The following COL6A6 variants were observed in gnomAD, a reference collection of about 807,000 sequenced individuals.
COL6A6 encodes collagen alpha-6(VI) chain.
A neutral mutation model predicts 208.6 loss-of-function variants in COL6A6; 183 were observed. The ratio of observed to expected loss-of-function variants is 0.88; its 90% CI spans 0.78 to 0.99. The LOEUF is 0.99. Among genes scored for constraint, COL6A6 ranks in the 50% least tolerant of loss-of-function variants. COL6A6 has a pLI of 0.00. For missense variants in COL6A6, 2,816 were observed against 2,815.2 expected, an observed-to-expected ratio of 1.00 and a Z score of -0.01; for synonymous variants, 973 against 1,011.8, an observed-to-expected ratio of 0.96 and a Z score of 0.73.
intron 23 of COL6A6, among the ~76,000 whole-genome samples, chr3:130,611,290 C>T (rs1182133951): frequency 6.6e-6 from 1 of 152,174 alleles, no homozygotes; most frequent in East Asian, 1.9e-4. Flanking sequence ...TGTTAAAGTG[C>T]GGATTCTGAG....
rs140657958 is a variant in COL6A6, at chr3:130,524,010, C to T, written c.-32+6613C>T. Reference sequence around the variant, plus strand: ...GCTCCTCCGTGGTTTTTTCTTTCCCCCTTCTCCACGAGTACTGTCATCAAC... The same window carrying T: ...GCTCCTCCGTGGTTTTTTCTTTCCCTCTTCTCCACGAGTACTGTCATCAAC... On this transcript the variant is annotated intron_variant, in intron 1 of 36. Transcript: ENST00000358511. Among the ~76,000 whole-genome samples the T allele has an allele frequency of 8.0e-3, 1,216 of 152,214 alleles. 15 individuals are homozygous for T. The highest frequency in any genetic ancestry group is 0.028 in the African/African-American group (1,152 of 41,544).
At chr3:130,520,183 A>G (rs940428004) in intron 1 of COL6A6, among the ~76,000 whole-genome samples, 2 of 152,162 alleles carry the variant, frequency 1.3e-5, no homozygotes, top group African/African-American at 2.4e-5. Context: ...TCAGTGTTTT[A>G]ATTTCTTTAG....
rs1262461868 is a variant in COL6A6, at chr3:130,594,422, AC to A, written c.4533+80del. Reference sequence around the variant, plus strand: ...TGATAGGGAGTCTCGATTTCAAGGTACTACAATAGTAACCCTGAGTTTAAAA... The same window carrying A: ...TGATAGGGAGTCTCGATTTCAAGGTATACAATAGTAACCCTGAGTTTAAAA... On this transcript the variant is annotated intron_variant, in intron 18 of 36. Transcript: ENST00000358511. The A allele has an allele frequency of 2.8e-6, 3 of 1,088,692 alleles. No individual in the cohort carries two copies. The East Asian group carries it at 7.1e-5, about 26-fold the overall frequency. 67.4% of individuals were successfully genotyped at this position (1,088,692 alleles called of 1,614,324 possible).
At position 130,589,162 on chromosome 3, in the gene COL6A6, C is replaced by T. The variant is rs1333692320; in HGVS notation, c.4198C>T (p.Pro1400Ser). The T allele has an allele frequency of 6.2e-7, 1 of 1,613,378 alleles. No individual in the cohort carries two copies. Among genetic ancestry groups the T allele is most frequent in the Admixed American group, 1.7e-5 (1 of 59,992 alleles). ...CIGGDGTMGD[P>S]GPPGKRGPPG... ...TGGAGGAGATGGCACAATGGGAGAT[C>T]CTGGACCACCAGGGAAAAGGGTGAT... Residue 1400 changes from proline to serine, a missense_variant, in exon 12 of 37, where the codon CCT becomes TCT. Pro to Ser is a moderately conservative substitution (Grantham distance 74). Coordinates refer to ENST00000358511, the MANE Select transcript of COL6A6 (RefSeq NM_001102608.3).
chr3:130,660,471 C>A (rs16830731), intron 34 of COL6A6, among the ~76,000 whole-genome samples: 54,235 of 152,152 alleles, frequency 0.36, 12,462 homozygotes, highest in African/African-American at 0.65. Context: ...TTTGTGGCCT[C>A]TGCCTATATA....
At chr3:130,639,894 G>T (rs900615765) in intron 28 of COL6A6, among the ~76,000 whole-genome samples, 3 of 152,062 alleles carry the variant, frequency 2.0e-5, no homozygotes, top group Non-Finnish European at 2.9e-5. Flanking sequence ...GAGAGTAAAG[G>T]TCTGGCTGCC....
At chr3:130,659,705 A>G (rs1296856945) in intron 34 of COL6A6, among the ~76,000 whole-genome samples, 1 of 152,240 alleles carries the variant, frequency 6.6e-6, no homozygotes, top group Non-Finnish European at 1.5e-5. Flanking sequence ...GCAGTTTATG[A>G]AAAACAGGTC....
chr3:130,656,320 G>A (rs556259882), intron 33 of COL6A6, among the ~76,000 whole-genome samples: 42 of 152,328 alleles, frequency 2.8e-4, no homozygotes, highest in South Asian at 8.3e-4. Flanking sequence ...AAGGTGAAGA[G>A]GAGCTTTATT....
chr3:130,579,231 A>G (rs1405361845), intron 8 of COL6A6, among the ~76,000 whole-genome samples: 1 of 152,222 alleles, frequency 6.6e-6, no homozygotes, highest in Non-Finnish European at 1.5e-5. Context: ...TACTGTCTTT[A>G]TAAATTAATA....
At chr3:130,547,745 G>C (rs549307574) in intron 1 of COL6A6, among the ~76,000 whole-genome samples, 1 of 152,296 alleles carries the variant, frequency 6.6e-6, no homozygotes, top group Admixed American at 6.5e-5. Flanking sequence ...CTGTTATTGT[G>C]TGCTGTCTAC....
intron 1 of COL6A6, among the ~76,000 whole-genome samples, chr3:130,522,589 C>T (rs180722975): frequency 2.0e-5 from 3 of 152,274 alleles, no homozygotes; most frequent in Non-Finnish European, 4.4e-5. Flanking sequence ...GAACTCCAGT[C>T]CCAGATATCT....
intron 11 of COL6A6, 31 bp from the exon 12 acceptor site, chr3:130,589,058 CA>C (rs1307837853): frequency 5.8e-6 from 9 of 1,559,382 alleles, no homozygotes; most frequent in Non-Finnish European, 8.8e-7. Flanking sequence ...GCAATACCAC[CA>C]AATGTAATGT....
Position 130,662,959 on chromosome 3 carries a change from C to T in COL6A6, c.6502+651C>T, listed in dbSNP as rs569543515. On this transcript the variant is annotated intron_variant, in intron 35 of 36. Transcript: ENST00000358511. The stretch of plus-strand genomic sequence containing the variant: ...AATATGCAATCCATTTTGAATGCAA[C>T]AGGGTGGATAAAAAGCTGTATCCTA... Among the ~76,000 whole-genome samples the T allele has an allele frequency of 2.0e-5, 3 of 152,204 alleles. No homozygotes were observed. In the East Asian group the frequency reaches 5.8e-4, roughly 29 times the overall value.
chr3:130,565,583 CT>C lies in COL6A6; in HGVS notation c.1255del (p.Ser419GlnfsTer37), dbSNP rs2062999442. 6.2e-7 allele frequency: 1 copy of C among 1,613,358 alleles called. No individual in the cohort carries two copies. Among genetic ancestry groups the C allele is most frequent in the Non-Finnish European group, 8.5e-7 (1 of 1,179,576 alleles). On this transcript the variant is annotated frameshift_variant, in exon 4 of 37. Coordinates refer to ENST00000358511, the MANE Select transcript of COL6A6 (RefSeq NM_001102608.3). LOFTEE classifies it high-confidence loss of function. Reference protein sequence around the residue: ...RNQITHTVSVFSERTETLKSG... With the variant: ...RNQITHTVSVXSERTETLKSG... ...ACCAAATAACACACACAGTCTCTGTCTTTTCAGAGAGGACTGAAACGCTCAA... is the reference window on the plus strand; with the variant it reads ...ACCAAATAACACACACAGTCTCTGTCTTTCAGAGAGGACTGAAACGCTCAA...
In COL6A6 at chr3:130,563,082, G is replaced by A. The variant is rs760843220; in HGVS notation, c.79G>A (p.Asp27Asn). 6 of 1,611,602 alleles carry A rather than the reference G, an allele frequency of 3.7e-6. No homozygotes were observed. The South Asian group carries it at 5.5e-5, about 15-fold the overall frequency. ...VNQDSGPEYA[D>N]VVFLVDSSDR... is the part of the protein sequence containing the mutation. ...TGGTTTTGCAGGCCCTGAGTATGCAGATGTTGTGTTTTTGGTGGACAGCTC... is the reference window on the plus strand; with the variant it reads ...TGGTTTTGCAGGCCCTGAGTATGCAAATGTTGTGTTTTTGGTGGACAGCTC... Residue 27 changes from aspartate (D) to asparagine (N), a missense_variant, in exon 3 of 37, where the codon GAT becomes AAT. Transcript: ENST00000358511.
intron 31 of COL6A6, among the ~76,000 whole-genome samples, chr3:130,644,761 G>A (rs542522881): frequency 3.3e-5 from 5 of 152,238 alleles, no homozygotes; most frequent in Admixed American, 1.3e-4. Flanking sequence ...GCTGCAGGCC[G>A]CTGATTTATG....
chr3:130,542,064 G>A (rs939473668), intron 1 of COL6A6, among the ~76,000 whole-genome samples: 1 of 150,950 alleles, frequency 6.6e-6, no homozygotes, highest in African/African-American at 2.4e-5. Context: ...TAGTTAGCCT[G>A]GCTAAAGGCT....
chr3:130,563,069 C>T lies in COL6A6; in HGVS notation c.66C>T (p.Gly22=), dbSNP rs544374010. ...CSHISVNQDS[G]PEYADVVFLV... Reference sequence around the variant, plus strand: ...GTTCATATGTTTGTGGTTTTGCAGGCCCTGAGTATGCAGATGTTGTGTTTT... The same window carrying T: ...GTTCATATGTTTGTGGTTTTGCAGGTCCTGAGTATGCAGATGTTGTGTTTT... The change falls in exon 3 of 37, where the codon GGC becomes GGT. Residue 22 remains glycine, a splice_region_variant and synonymous_variant. Transcript: ENST00000358511. 2.7e-5 allele frequency: 44 copies of T among 1,602,948 alleles called. No homozygotes were observed. The African/African-American group carries it at 5.4e-4, about 20-fold the overall frequency.
intron 1 of COL6A6, among the ~76,000 whole-genome samples, chr3:130,559,757 A>G (rs1559987315): frequency 6.6e-6 from 1 of 152,186 alleles, no homozygotes; most frequent in African/African-American, 2.4e-5. Context: ...GTTGGACATA[A>G]AATGGTGTAA....
Sources: allele counts gnomAD v4.1 joint callset (sites outside exome capture counted in the v4.1 genomes callset), GRCh38; gene constraint gnomAD v4.1.1; transcripts MANE v1.5; gene names NCBI Gene and HGNC (gene_info 2026-07-23, HGNC 2026-07-21).